The following CARF variants were observed in gnomAD, a reference collection of about 807,000 sequenced individuals.
The protein encoded by CARF is calcium-responsive transcription factor.
Under a neutral mutation model 82.0 loss-of-function variants are expected in CARF, and 57 were observed. That is an observed-to-expected ratio of 0.70 (90% CI 0.56 to 0.87). The LOEUF (loss-of-function observed/expected upper bound fraction) is 0.87, where lower values mean the gene tolerates loss of function less well. CARF is among the 40% of genes least tolerant of loss of function. CARF has a pLI of 0.00. For missense variants in CARF, 771 were observed against 855.8 expected, an observed-to-expected ratio of 0.90 and a Z score of 1.24; for synonymous variants, 268 against 290.1, an observed-to-expected ratio of 0.92 and a Z score of 0.77.
chr2:202,914,608 G>A (rs533485852), intron 1 of CARF, among the ~76,000 whole-genome samples: 10 of 151,916 alleles, frequency 6.6e-5, no homozygotes, highest in South Asian at 2.1e-4. Flanking sequence ...GTGAAACCCC[G>A]TCTCTGCTAA....
intron 11 of CARF, among the ~76,000 whole-genome samples, chr2:202,971,284 A>G (rs1238966926): frequency 6.6e-6 from 1 of 152,056 alleles, no homozygotes; most frequent in Non-Finnish European, 1.5e-5. Flanking sequence ...ATATTTACAA[A>G]TATTTTAATT....
intron 8 of CARF, among the ~76,000 whole-genome samples, chr2:202,959,518 GA>G (rs963637011): frequency 2.0e-5 from 3 of 151,824 alleles, no homozygotes; most frequent in African/African-American, 7.3e-5. Flanking sequence ...TGTTGGTATT[GA>G]AAAAAAAGTT....
chr2:202,949,789 A>G (rs909527025), intron 5 of CARF, among the ~76,000 whole-genome samples: 3 of 152,158 alleles, frequency 2.0e-5, no homozygotes, highest in African/African-American at 7.2e-5. Flanking sequence ...ACCTCAGGTG[A>G]TCCACCCACC....
intron 13 of CARF, among the ~76,000 whole-genome samples, chr2:202,974,819 A>G (rs1022660607): frequency 1.3e-5 from 2 of 151,906 alleles, no homozygotes; most frequent in Non-Finnish European, 2.9e-5. Flanking sequence ...GAATCACTTG[A>G]ACTCAGGAGG....
chr2:202,963,802 G>A (rs1329643245), intron 9 of CARF, among the ~76,000 whole-genome samples: 3 of 152,106 alleles, frequency 2.0e-5, no homozygotes, highest in Non-Finnish European at 2.9e-5. Context: ...AATAGGGTTC[G>A]TGTTTCTATG....
chr2:202,980,616 G>GTACATA (rs1553578617), intron 14 of CARF, among the ~76,000 whole-genome samples: 1 of 42,664 alleles, frequency 2.3e-5, no homozygotes. Context: ...CGTCTTTCAA[G>GTACATA]TATATATATA....
At chr2:202,963,984 G>T (rs2059431862) in intron 9 of CARF, among the ~76,000 whole-genome samples, 1 of 152,156 alleles carries the variant, frequency 6.6e-6, no homozygotes, top group Non-Finnish European at 1.5e-5. Flanking sequence ...CAGTCTGGAG[G>T]TTAGAGACCC....
intron 7 of CARF, 62 bp from the exon 8 acceptor site, chr2:202,955,612 G>A (rs1462959958): frequency 1.6e-6 from 2 of 1,220,774 alleles, no homozygotes; most frequent in African/African-American, 1.5e-5. Flanking sequence ...GGATAAAGCA[G>A]TTGAATGCAT....
Position 202,985,632 on chromosome 2 carries a change from A to G in CARF, c.*2008A>G, listed in dbSNP as rs941640283. ...CTTAATCTGTGTGTACATAAAAGGAATAAGTCCAAATTAATTTATAGTTTA... is the reference window on the plus strand; with the variant it reads ...CTTAATCTGTGTGTACATAAAAGGAGTAAGTCCAAATTAATTTATAGTTTA... On this transcript the variant is annotated 3_prime_UTR_variant, in exon 17 of 17. Transcript: ENST00000438828. 5 of 152,182 alleles carry G rather than the reference A, an allele frequency of 3.3e-5. No individual in the cohort carries two copies. Among genetic ancestry groups the G allele is most frequent in the Admixed American group, 3.3e-4 (5 of 15,282 alleles). The allele number at this position is 152,182 out of a possible 1,614,324, so 9.4% of individuals were successfully genotyped here.
intron 3 of CARF, among the ~76,000 whole-genome samples, chr2:202,935,378 T>A (rs1419246620): frequency 1.3e-5 from 2 of 149,640 alleles, no homozygotes; most frequent in Non-Finnish European, 3.0e-5. Context: ...TGTACAATTA[T>A]CAGTGTATGA....
intron 3 of CARF, among the ~76,000 whole-genome samples, chr2:202,932,203 C>T (rs1313988498): frequency 6.6e-6 from 1 of 152,174 alleles, no homozygotes; most frequent in Non-Finnish European, 1.5e-5. Flanking sequence ...CCAATCACCT[C>T]CCACCAGGCC....
intron 13 of CARF, among the ~76,000 whole-genome samples, chr2:202,975,385 G>A (rs1045000268): frequency 1.1e-4 from 16 of 151,768 alleles, no homozygotes; most frequent in Non-Finnish European, 2.2e-4. Context: ...CGGAGCTTGC[G>A]GTGAGCCAAG....
intron 3 of CARF, among the ~76,000 whole-genome samples, chr2:202,930,227 T>C (rs997525297): frequency 3.3e-5 from 5 of 152,194 alleles, no homozygotes. Flanking sequence ...TTTGTATTTT[T>C]AGTAGACACA....
intron 3 of CARF, among the ~76,000 whole-genome samples, chr2:202,933,084 G>T (rs934755733): frequency 6.6e-6 from 1 of 152,142 alleles, no homozygotes; most frequent in Non-Finnish European, 1.5e-5. Flanking sequence ...AGCAGCTAAG[G>T]TACTGTTTCC....
chr2:202,966,104 A>G (rs2105898076), intron 9 of CARF, among the ~76,000 whole-genome samples: 1 of 152,330 alleles, frequency 6.6e-6, no homozygotes, highest in Admixed American at 6.5e-5. Flanking sequence ...AATTCAAGCA[A>G]GAGTAAGAGA....
chr2:202,920,647 A>T (rs1400503362), intron 2 of CARF, among the ~76,000 whole-genome samples: 6 of 152,028 alleles, frequency 3.9e-5, no homozygotes, highest in Non-Finnish European at 7.4e-5. Flanking sequence ...CTGGGCAACA[A>T]GAGTGAAACT....
chr2:202,927,824 G>A (rs1375024562), intron 3 of CARF, among the ~76,000 whole-genome samples: 1 of 148,886 alleles, frequency 6.7e-6, no homozygotes, highest in African/African-American at 2.5e-5. Context: ...TTTGAGACAG[G>A]GTCTCACTCT....
At chr2:202,979,454 T>C (rs2060158010) in intron 14 of CARF, among the ~76,000 whole-genome samples, 1 of 152,114 alleles carries the variant, frequency 6.6e-6, no homozygotes, top group African/African-American at 2.4e-5. Context: ...CAGTGGTCCA[T>C]TGAGAAAGGA....
At chr2:202,983,263 C>T (rs537491999) in intron 16 of CARF, among the ~76,000 whole-genome samples, 70 of 152,234 alleles carry the variant, frequency 4.6e-4, no homozygotes, top group Middle Eastern at 3.4e-3. Flanking sequence ...GACCTTCTTA[C>T]CTTCACTTTA....
Sources: allele counts gnomAD v4.1 joint callset (sites outside exome capture counted in the v4.1 genomes callset), GRCh38; gene constraint gnomAD v4.1.1; transcripts MANE v1.5; gene names NCBI Gene and HGNC (gene_info 2026-07-23, HGNC 2026-07-21).